Variants in CNOT4 observed in about 807,000 individuals in gnomAD.
The protein encoded by CNOT4 is CCR4-associated factor 4.
In CNOT4, 8 loss-of-function variants were observed where a neutral mutation model predicts 73.8. The ratio of observed to expected loss-of-function variants is 0.11; its 90% CI spans 0.06 to 0.20. CNOT4 has a LOEUF of 0.20. CNOT4 is among the 10% of genes least tolerant of loss of function. The pLI, the probability that CNOT4 is intolerant of heterozygous loss-of-function variation, is 1.00. For synonymous variants in CNOT4, 293 were observed against 321.1 expected, an observed-to-expected ratio of 0.91 and a Z score of 0.94; for missense variants, 564 against 883.4, an observed-to-expected ratio of 0.64 and a Z score of 4.58.
At chr7:135,449,458 G>A (rs1412174207) in intron 1 of CNOT4, among the ~76,000 whole-genome samples, 1 of 152,140 alleles carries the variant, frequency 6.6e-6, no homozygotes, top group African/African-American at 2.4e-5. Flanking sequence ...CCTAGACCCA[G>A]AAAGTACAAC....
chr7:135,469,013 A>C (rs1463856682), intron 1 of CNOT4, among the ~76,000 whole-genome samples: 1 of 152,182 alleles, frequency 6.6e-6, no homozygotes, highest in Non-Finnish European at 1.5e-5. Flanking sequence ...GTAGGAAAGA[A>C]ATCAGGGGTG....
chr7:135,367,748 T>C (rs536771725), intron 10 of CNOT4, among the ~76,000 whole-genome samples: 4 of 152,300 alleles, frequency 2.6e-5, no homozygotes, highest in South Asian at 4.1e-4. Flanking sequence ...AGTCTTCTTA[T>C]CACTAAAACA....
At chr7:135,403,249 T>A (rs563967316) in intron 7 of CNOT4, among the ~76,000 whole-genome samples, 6 of 152,358 alleles carry the variant, frequency 3.9e-5, no homozygotes, top group African/African-American at 1.4e-4. Flanking sequence ...TTTCAAAGAA[T>A]CTATCTTAAT....
Position 135,466,036 on chromosome 7 carries a change from G to A in CNOT4, c.-92-27613C>T, listed in dbSNP as rs56408526. Among the ~76,000 whole-genome samples the A allele has an allele frequency of 5.2e-3, 784 of 151,432 alleles. 4 individuals carry two copies. The highest frequency in any genetic ancestry group is 8.5e-3 in the Admixed American group (129 of 15,206). Reference sequence around the variant, plus strand: ...TGCACTCCAGCCTGGGCAACAAAGCGAGACTCCATCTCAAATAATAATAAA... The same window carrying A: ...TGCACTCCAGCCTGGGCAACAAAGCAAGACTCCATCTCAAATAATAATAAA... On this transcript the variant is annotated intron_variant, in intron 1 of 11. Coordinates refer to ENST00000541284, the MANE Select transcript of CNOT4 (RefSeq NM_001190850.2).
intron 1 of CNOT4, among the ~76,000 whole-genome samples, chr7:135,457,072 A>G (rs1800584146): frequency 6.6e-6 from 1 of 152,134 alleles, no homozygotes; most frequent in South Asian, 2.1e-4. Context: ...GCAACATGCA[A>G]TGGAAACAAA....
At chr7:135,501,293 C>T (rs1803947937) in intron 1 of CNOT4, among the ~76,000 whole-genome samples, 1 of 152,044 alleles carries the variant, frequency 6.6e-6, no homozygotes, top group Admixed American at 6.6e-5. Context: ...CCTACTAAAA[C>T]TTTTTGAGGC....
intron 1 of CNOT4, among the ~76,000 whole-genome samples, chr7:135,486,557 T>G (rs1802734452): frequency 6.6e-6 from 1 of 152,234 alleles, no homozygotes. Flanking sequence ...TCTTGGGCGT[T>G]TATCTGAGAG....
At chr7:135,436,156 T>TC (rs397826694) in intron 2 of CNOT4, among the ~76,000 whole-genome samples, 1 of 151,714 alleles carries the variant, frequency 6.6e-6, no homozygotes, top group African/African-American at 2.4e-5. Context: ...ATATCAAGCT[T>TC]GCTAAAGTTA....
intron 1 of CNOT4, among the ~76,000 whole-genome samples, chr7:135,455,075 G>A (rs987817377): frequency 2.0e-5 from 3 of 151,804 alleles, no homozygotes; most frequent in Non-Finnish European, 4.4e-5. Flanking sequence ...ACTACAAAGC[G>A]AGGCCCTGTG....
rs141129317 is a variant in CNOT4 at position 135,478,279 on chromosome 7, T to C, written c.-93+31610A>G. ...GAACCAAAATATTGGCATTTCTTAC[T>C]GATGCAGTTGCCTATTTTTCAACAC... is the stretch of plus-strand genomic sequence containing the variant. On this transcript the variant is annotated intron_variant, in intron 1 of 11. Transcript: ENST00000541284. Among the ~76,000 whole-genome samples, 491 of 152,340 alleles carry C rather than the reference T, an allele frequency of 3.2e-3. 3 individuals carry two copies. Among genetic ancestry groups the C allele is most frequent in the African/African-American group, 0.011 (464 of 41,584 alleles).
intron 2 of CNOT4, among the ~76,000 whole-genome samples, chr7:135,423,482 A>C (rs1197491658): frequency 1.3e-5 from 2 of 152,090 alleles, no homozygotes; most frequent in Non-Finnish European, 2.9e-5. Context: ...AAAAAAAAAA[A>C]AAACCTCTCA....
At chr7:135,429,587 C>T (rs1798699239) in intron 2 of CNOT4, among the ~76,000 whole-genome samples, 1 of 152,160 alleles carries the variant, frequency 6.6e-6, no homozygotes, top group Admixed American at 6.5e-5. Context: ...AGTCCACTTT[C>T]TAATTTCTAC....
chr7:135,488,265 G>A (rs1276418897), intron 1 of CNOT4, among the ~76,000 whole-genome samples: 5 of 152,204 alleles, frequency 3.3e-5, no homozygotes, highest in South Asian at 2.1e-4. Context: ...AGGTTCAAGC[G>A]ATTCTCTTGC....
At chr7:135,391,164 T>C (rs1292202190) in intron 10 of CNOT4, among the ~76,000 whole-genome samples, 7 of 152,130 alleles carry the variant, frequency 4.6e-5, no homozygotes, top group African/African-American at 1.7e-4. Context: ...AGATTTTCAC[T>C]TTCTGTCATT....
chr7:135,502,329 C>G (rs1282169888), intron 1 of CNOT4, among the ~76,000 whole-genome samples: 1 of 152,212 alleles, frequency 6.6e-6, no homozygotes, highest in African/African-American at 2.4e-5. Context: ...AAGCCTCACT[C>G]CTAGGACTTT....
intron 1 of CNOT4, among the ~76,000 whole-genome samples, chr7:135,479,197 A>ATT (rs1471200244): frequency 3.7e-5 from 5 of 133,672 alleles, no homozygotes; most frequent in Non-Finnish European, 8.0e-5. Context: ...ATTAGAACCA[A>ATT]ATTTTTTTTT....
chr7:135,497,316 G>C (rs1382125082), intron 1 of CNOT4, among the ~76,000 whole-genome samples: 1 of 152,138 alleles, frequency 6.6e-6, no homozygotes, highest in Non-Finnish European at 1.5e-5. Context: ...GGCTAAGGTA[G>C]GAGAATTGCT....
intron 10 of CNOT4, among the ~76,000 whole-genome samples, chr7:135,376,343 G>T (rs1427436342): frequency 6.6e-6 from 1 of 151,886 alleles, no homozygotes; most frequent in Admixed American, 6.6e-5. Flanking sequence ...TAAAAACCAT[G>T]CTGTTCTGCT....
At chr7:135,445,507 T>C (rs994147316) in intron 1 of CNOT4, among the ~76,000 whole-genome samples, 7 of 152,192 alleles carry the variant, frequency 4.6e-5, no homozygotes, top group African/African-American at 1.7e-4. Context: ...CTTGGAGTGC[T>C]TCTGAATATA....
Sources: allele counts gnomAD v4.1 joint callset (sites outside exome capture counted in the v4.1 genomes callset), GRCh38; gene constraint gnomAD v4.1.1; transcripts MANE v1.5; gene names NCBI Gene and HGNC (gene_info 2026-07-23, HGNC 2026-07-21).